Variants in MDGA2 observed in about 807,000 individuals in gnomAD.
The protein encoded by MDGA2 is MAM domain-containing glycosylphosphatidylinositol anchor protein 2.
A neutral mutation model predicts 117.8 loss-of-function variants in MDGA2; 40 were observed. That is an observed-to-expected ratio of 0.34 (90% CI 0.26 to 0.44). MDGA2 has a LOEUF of 0.44. Among genes scored for constraint, MDGA2 ranks in the 20% least tolerant of loss-of-function variants. The pLI, the probability that MDGA2 is intolerant of heterozygous loss-of-function variation, is 1.00. For synonymous variants in MDGA2, 452 were observed against 439.0 expected, an observed-to-expected ratio of 1.03 and a Z score of -0.37; for missense variants, 1,123 against 1,250.6, an observed-to-expected ratio of 0.90 and a Z score of 1.54.
intron 2 of MDGA2, among the ~76,000 whole-genome samples, chr14:47,254,959 A>C (rs1947312488): frequency 6.6e-6 from 1 of 152,078 alleles, no homozygotes; most frequent in Non-Finnish European, 1.5e-5. Flanking sequence ...AAGCCATAAG[A>C]TCTTATAAGG....
intron 2 of MDGA2, among the ~76,000 whole-genome samples, chr14:47,226,097 C>A (rs1886485408): frequency 6.6e-6 from 1 of 151,780 alleles, no homozygotes; most frequent in African/African-American, 2.4e-5. Context: ...TGAGACCAGT[C>A]TGGGCAACAT....
At chr14:47,666,600 T>C (rs80103619) in intron 1 of MDGA2, among the ~76,000 whole-genome samples, 1 of 152,250 alleles carries the variant, frequency 6.6e-6, no homozygotes, top group African/African-American at 2.4e-5. Context: ...CAGCTCTCTG[T>C]AAAACAGACC....
At chr14:46,973,775 C>T (rs1229259275) in intron 8 of MDGA2, among the ~76,000 whole-genome samples, 3 of 152,026 alleles carry the variant, frequency 2.0e-5, no homozygotes, top group Non-Finnish European at 4.4e-5. Flanking sequence ...GATAGAAAAC[C>T]ATGCAGAAAA....
chr14:47,234,924 T>C (rs902487840), intron 2 of MDGA2, among the ~76,000 whole-genome samples: 14 of 152,148 alleles, frequency 9.2e-5, no homozygotes, highest in African/African-American at 3.4e-4. Context: ...GGCTTGTCTT[T>C]TATTAAGAAA....
chr14:46,924,912 G>T (rs1884269819), intron 9 of MDGA2, among the ~76,000 whole-genome samples: 1 of 152,048 alleles, frequency 6.6e-6, no homozygotes. Flanking sequence ...GAGTGCTGTT[G>T]GTCTTTTTTA....
At chr14:47,354,852 A>AT (rs34663265) in intron 1 of MDGA2, among the ~76,000 whole-genome samples, 3,227 of 150,690 alleles carry the variant, frequency 0.021, 110 homozygotes, top group African/African-American at 0.073. Flanking sequence ...TGTGAAGATA[A>AT]TTTTTTTTTT....
At chr14:47,187,946 T>G (rs1884971634) in intron 3 of MDGA2, among the ~76,000 whole-genome samples, 1 of 151,974 alleles carries the variant, frequency 6.6e-6, no homozygotes, top group Non-Finnish European at 1.5e-5. Flanking sequence ...TGTGTCTTAT[T>G]GCTCTACATT....
At chr14:46,978,328 T>C (rs1439179590) in intron 8 of MDGA2, among the ~76,000 whole-genome samples, 1 of 151,906 alleles carries the variant, frequency 6.6e-6, no homozygotes, top group African/African-American at 2.4e-5. Flanking sequence ...GTTTCAAAAT[T>C]GGCTTCTTCA....
At chr14:47,275,786 C>T (rs938693055) in intron 2 of MDGA2, among the ~76,000 whole-genome samples, 1 of 152,050 alleles carries the variant, frequency 6.6e-6, no homozygotes, top group Non-Finnish European at 1.5e-5. Flanking sequence ...AGCAGAGAAG[C>T]GCCCGATCAT....
chr14:47,531,907 T>C (rs566980731), intron 1 of MDGA2, among the ~76,000 whole-genome samples: 1 of 152,190 alleles, frequency 6.6e-6, no homozygotes, highest in African/African-American at 2.4e-5. Context: ...GGAGAAAGAT[T>C]CTGAAAATAA....
At chr14:47,371,377 A>G (rs961699476) in intron 1 of MDGA2, among the ~76,000 whole-genome samples, 51 of 151,942 alleles carry the variant, frequency 3.4e-4, no homozygotes, top group African/African-American at 1.2e-3. Context: ...GGAAGTATCA[A>G]TCTCTTTTAG....
At chr14:46,901,345 T>C (rs746871033) in intron 10 of MDGA2, among the ~76,000 whole-genome samples, 30 of 151,944 alleles carry the variant, frequency 2.0e-4, no homozygotes, top group Non-Finnish European at 3.8e-4. Flanking sequence ...ATAATAAAAT[T>C]AAAAAGAGTA....
intron 1 of MDGA2, among the ~76,000 whole-genome samples, chr14:47,511,797 A>T (rs187402702): frequency 1.3e-5 from 2 of 152,338 alleles, no homozygotes; most frequent in Non-Finnish European, 2.9e-5. Flanking sequence ...TAAAGCAGCC[A>T]GTTCAGGCAG....
intron 8 of MDGA2, among the ~76,000 whole-genome samples, chr14:46,977,060 T>G (rs1886489448): frequency 6.6e-6 from 1 of 151,946 alleles, no homozygotes; most frequent in Admixed American, 6.6e-5. Flanking sequence ...TCTCAATTCT[T>G]TATTATTTAC....
chr14:47,231,145 A>G (rs1192194853), intron 2 of MDGA2, among the ~76,000 whole-genome samples: 2 of 152,000 alleles, frequency 1.3e-5, no homozygotes, highest in African/African-American at 4.8e-5. Flanking sequence ...CTTTCCTACT[A>G]CTGCACAATT....
chr14:47,289,668 ATCAATAGAT>A (rs1342000707), intron 2 of MDGA2, among the ~76,000 whole-genome samples: 1 of 152,102 alleles, frequency 6.6e-6, no homozygotes, highest in Non-Finnish European at 1.5e-5. Context: ...GAGCAATGCA[ATCAATAGAT>A]TTTCAATTCT....
intron 1 of MDGA2, among the ~76,000 whole-genome samples, chr14:47,653,217 G>T (rs1393442023): frequency 6.6e-6 from 1 of 152,058 alleles, no homozygotes; most frequent in Non-Finnish European, 1.5e-5. Flanking sequence ...CAGGAAATAC[G>T]AACAAGACAA....
chr14:47,537,311 T>TG (rs1895234730), intron 1 of MDGA2, among the ~76,000 whole-genome samples: 1 of 67,128 alleles, frequency 1.5e-5, no homozygotes, highest in African/African-American at 6.0e-5. Context: ...TGTTGTCGGG[T>TG]GGGGGGAGGG....
chr14:47,048,215 G>C (rs1479531233), intron 7 of MDGA2, among the ~76,000 whole-genome samples: 2 of 151,896 alleles, frequency 1.3e-5, no homozygotes, highest in Non-Finnish European at 2.9e-5. Flanking sequence ...GAAAACCAGG[G>C]ACTAGTAAGT....
Sources: gnomAD v4.1 joint callset for allele counts (sites outside exome capture counted in the v4.1 genomes callset) on GRCh38, gnomAD v4.1.1 for gene constraint, MANE v1.5 for transcripts, NCBI Gene and HGNC (gene_info 2026-07-23, HGNC 2026-07-21) for gene names.